BLTP2: variants seen among roughly 807,000 people sequenced by gnomAD.
The protein encoded by BLTP2 is bridge-like lipid transfer protein family member 2.
the BLTP2 span, among the ~76,000 whole-genome samples, chr17:28,625,353 AAAAAAGAAAAAG>A: frequency 2.8e-4 from 41 of 149,018 alleles, no homozygotes; most frequent in South Asian, 1.3e-3. Flanking sequence ...AAAAAAAAAA[AAAAAAGAAAAAG>A]AAAAAGAAAA....
chr17:28,617,123 T>G, the BLTP2 span: 1 of 1,193,296 alleles, frequency 8.4e-7, no homozygotes, highest in African/African-American at 1.5e-5. Context: ...GCTTTCACCC[T>G]CTCAGATCAC....
the BLTP2 span, among the ~76,000 whole-genome samples, chr17:28,628,778 C>A: frequency 8.6e-5 from 13 of 151,904 alleles, no homozygotes; most frequent in Non-Finnish European, 1.8e-4. Flanking sequence ...ACTAAAAATA[C>A]AAAAAATTAG....
the BLTP2 span, chr17:28,631,639 G>A: frequency 3.7e-6 from 6 of 1,613,992 alleles, no homozygotes; most frequent in African/African-American, 6.7e-5. Context: ...CACCATCTGG[G>A]TAACACTCCA....
chr17:28,643,388 T>G, the BLTP2 span: 1 of 1,563,118 alleles, frequency 6.4e-7, no homozygotes, highest in Non-Finnish European at 8.8e-7. Context: ...CACATTCACT[T>G]TCTCATCCTT....
the BLTP2 span, chr17:28,623,795 GGCT>G: frequency 1.2e-6 from 2 of 1,614,170 alleles, no homozygotes; most frequent in Non-Finnish European, 1.7e-6. Flanking sequence ...TGCTCTGTGG[GGCT>G]GCTTTCAGTG....
chr17:28,621,204 C>T, the BLTP2 span: 16 of 1,600,758 alleles, frequency 1.0e-5, no homozygotes, highest in African/African-American at 2.7e-5. Flanking sequence ...AAGAAAAAGA[C>T]ATTCTCAATA....
the BLTP2 span, chr17:28,634,733 G>C: frequency 6.2e-7 from 1 of 1,614,082 alleles, no homozygotes; most frequent in Non-Finnish European, 8.5e-7. Context: ...CCATAGAGAC[G>C]ACGGGAACGC....
chr17:28,622,529 G>A, the BLTP2 span, among the ~76,000 whole-genome samples: 2 of 152,156 alleles, frequency 1.3e-5, no homozygotes, highest in African/African-American at 4.8e-5. Context: ...TATAGGGGGT[G>A]TACCATGCCC....
At chr17:28,617,395 G>T in the BLTP2 span, 1 of 1,139,526 alleles carries the variant, frequency 8.8e-7, no homozygotes, top group Non-Finnish European at 1.3e-6. Flanking sequence ...TATGTATCCA[G>T]TTTGTTTTCA....
chr17:28,642,678 T>G, the BLTP2 span, among the ~76,000 whole-genome samples: 2 of 152,156 alleles, frequency 1.3e-5, no homozygotes, highest in African/African-American at 4.8e-5. Context: ...AAAAGAGAAC[T>G]TGGTCCCTTT....
chr17:28,642,334 G>A, the BLTP2 span: 2 of 1,614,098 alleles, frequency 1.2e-6, no homozygotes, highest in Non-Finnish European at 1.7e-6. Flanking sequence ...TCACAGATTA[G>A]CCTGGGAAAG....
At chr17:28,625,530 CATGCCCAA>C in the BLTP2 span, among the ~76,000 whole-genome samples, 1 of 152,050 alleles carries the variant, frequency 6.6e-6, no homozygotes, top group Non-Finnish European at 1.5e-5. Flanking sequence ...GCAAATTCAG[CATGCCCAA>C]ATGTGAACTC....
the BLTP2 span, chr17:28,632,082 T>G: frequency 6.2e-7 from 1 of 1,614,028 alleles, no homozygotes; most frequent in Non-Finnish European, 8.5e-7. Context: ...TATAGGAAAG[T>G]TGCTTGTAGT....
At chr17:28,619,815 C>T in the BLTP2 span, 1 of 1,613,638 alleles carries the variant, frequency 6.2e-7, no homozygotes, top group Non-Finnish European at 8.5e-7. Flanking sequence ...CGCCCTCGTT[C>T]TAGGAGACTT....
At chr17:28,614,823 C>A in the BLTP2 span, 1 of 397,124 alleles carries the variant, frequency 2.5e-6, no homozygotes, top group Non-Finnish European at 4.5e-6. Flanking sequence ...TGCCCTGGGC[C>A]CATTCCCTGG....
the BLTP2 span, among the ~76,000 whole-genome samples, chr17:28,625,289 T>C: frequency 7.8e-6 from 1 of 128,532 alleles, no homozygotes; most frequent in African/African-American, 3.1e-5. Context: ...TGAGCCGAGA[T>C]TGCACCACTG....
chr17:28,640,713 C>A, the BLTP2 span: 3 of 1,610,972 alleles, frequency 1.9e-6, no homozygotes, highest in Middle Eastern at 1.7e-4. Flanking sequence ...ACGTAAGAAC[C>A]ATCAATTCTT....
At chr17:28,623,706 A>C in the BLTP2 span, 34 of 1,450,656 alleles carry the variant, frequency 2.3e-5, no homozygotes, top group Non-Finnish European at 3.2e-5. Context: ...CAGCCATTAG[A>C]AAGTCTACGG....
At chr17:28,640,647 C>A in the BLTP2 span, 1 of 1,613,826 alleles carries the variant, frequency 6.2e-7, no homozygotes, top group East Asian at 2.2e-5. Flanking sequence ...AAGGAATAGG[C>A]CAGGCAGAGT....
Sources: allele counts gnomAD v4.1 joint callset (sites outside exome capture counted in the v4.1 genomes callset), GRCh38; gene constraint gnomAD v4.1.1; transcripts MANE v1.5; gene names NCBI Gene and HGNC (gene_info 2026-07-23, HGNC 2026-07-21).